C9orf85: variants seen among roughly 807,000 people sequenced by gnomAD.
C9orf85 encodes chromosome 9 open reading frame 85.
In C9orf85, 16 loss-of-function variants were observed where a neutral mutation model predicts 14.9. The observed-to-expected ratio is 1.08, with a 90% CI of 0.73 to 1.63. C9orf85 has a LOEUF of 1.63. Among genes scored for constraint, C9orf85 ranks in the 40% most tolerant of loss-of-function variants. The pLI, the probability that C9orf85 is intolerant of heterozygous loss-of-function variation, is 0.00. For missense variants in C9orf85, 172 were observed against 186.1 expected, an observed-to-expected ratio of 0.92 and a Z score of 0.44; for synonymous variants, 45 against 56.8, an observed-to-expected ratio of 0.79 and a Z score of 0.93.
At chr9:71,921,770 G>T (rs1377728079) in intron 1 of C9orf85, among the ~76,000 whole-genome samples, 2 of 151,844 alleles carry the variant, frequency 1.3e-5, no homozygotes, top group African/African-American at 4.8e-5. Flanking sequence ...TTTTTTACTG[G>T]TCTGATGTGT....
intron 1 of C9orf85, among the ~76,000 whole-genome samples, chr9:71,936,064 A>C (rs1186784897): frequency 6.6e-6 from 1 of 152,026 alleles, no homozygotes; most frequent in Admixed American, 6.6e-5. Flanking sequence ...AAGTGACCTA[A>C]GTTTTTTTAT....
At chr9:71,963,444 T>C (rs1216650635) in intron 2 of C9orf85, among the ~76,000 whole-genome samples, 1 of 152,084 alleles carries the variant, frequency 6.6e-6, no homozygotes, top group Non-Finnish European at 1.5e-5. Context: ...TGGCGGCACT[T>C]GAGGAGCCCT....
intron 2 of C9orf85, among the ~76,000 whole-genome samples, chr9:71,971,050 G>T (rs897679034): frequency 1.3e-5 from 2 of 151,876 alleles, no homozygotes; most frequent in African/African-American, 4.8e-5. Context: ...CACTACTCCC[G>T]GCCTACAATA....
intron 2 of C9orf85, among the ~76,000 whole-genome samples, chr9:71,958,979 C>G (rs1038897619): frequency 7.9e-5 from 12 of 152,244 alleles, no homozygotes; most frequent in African/African-American, 2.6e-4. Flanking sequence ...GCCTTTTCTC[C>G]TATTAGTCAA....
At chr9:71,970,673 T>C (rs1822835382) in intron 2 of C9orf85, among the ~76,000 whole-genome samples, 1 of 152,156 alleles carries the variant, frequency 6.6e-6, no homozygotes. Flanking sequence ...AAGATTGTTT[T>C]GGCTATCCTG....
chr9:71,958,382 C>A (rs1822432443), intron 2 of C9orf85, among the ~76,000 whole-genome samples: 1 of 151,386 alleles, frequency 6.6e-6, no homozygotes, highest in Non-Finnish European at 1.5e-5. Context: ...CCAGCCTCAG[C>A]CTCCTGAGTA....
rs1448941892 is a variant in C9orf85, at chr9:71,938,525, A to G, written c.103-8481A>G. ...AAAATCATTTTGTAATGATTTCTGTATTGATACAGTGGCAAATAAAACAAG... is the reference window on the plus strand; with the variant it reads ...AAAATCATTTTGTAATGATTTCTGTGTTGATACAGTGGCAAATAAAACAAG... On this transcript the variant is annotated intron_variant, in intron 1 of 3. Coordinates refer to ENST00000334731, the MANE Select transcript of C9orf85 (RefSeq NM_182505.5). 2.6e-5 allele frequency among the ~76,000 whole-genome samples: 4 copies of G among 152,024 alleles called. No individual in the cohort carries two copies. The South Asian group carries it at 8.3e-4, about 31-fold the overall frequency.
At chr9:71,971,700 G>A (rs868668974) in intron 3 of C9orf85, 82 bp downstream of exon 3, 13 of 968,192 alleles carry the variant, frequency 1.3e-5, no homozygotes, top group South Asian at 1.0e-4. Flanking sequence ...CTTGCTAGGC[G>A]CAGTGGCTCA....
At chr9:71,916,964 C>T (rs1479776889) in intron 1 of C9orf85, among the ~76,000 whole-genome samples, 1 of 151,912 alleles carries the variant, frequency 6.6e-6, no homozygotes, top group African/African-American at 2.4e-5. Context: ...TCAAAGTAAC[C>T]CTAAGATAGA....
At chr9:71,971,975 C>CAAAAA (rs1280978130) in intron 3 of C9orf85, among the ~76,000 whole-genome samples, 3 of 53,242 alleles carry the variant, frequency 5.6e-5, no homozygotes, top group Admixed American at 2.0e-4. Context: ...GACTCCATCT[C>CAAAAA]AAAAAAAAAA....
In C9orf85 at chr9:71,947,760, C is replaced by T. The variant is rs531241554; in HGVS notation, c.209+648C>T. ...CCAGGTTTAAGCGATTCTCCTGCCT[C>T]GGCCTCCCAAGTAACTGGCATTACA... On this transcript the variant is annotated intron_variant, in intron 2 of 3. Transcript: ENST00000334731. Among the ~76,000 whole-genome samples the T allele has an allele frequency of 5.7e-4, 87 of 152,222 alleles. 1 individual carries two copies. The highest frequency in any genetic ancestry group is 2.0e-3 in the African/African-American group (84 of 41,528).
At chr9:71,930,803 CAAAAAAAAA>C (rs747596247) in intron 1 of C9orf85, among the ~76,000 whole-genome samples, 1 of 61,038 alleles carries the variant, frequency 1.6e-5, no homozygotes, top group Admixed American at 1.8e-4. Context: ...GACCCTGTCT[CAAAAAAAAA>C]AAAAAAAAAA....
intron 1 of C9orf85, among the ~76,000 whole-genome samples, chr9:71,933,149 T>TA (rs1321244381): frequency 1.3e-5 from 2 of 152,116 alleles, no homozygotes; most frequent in African/African-American, 4.8e-5. Flanking sequence ...TGGACCAACT[T>TA]ACATATTTTG....
chr9:71,912,406 A>G (rs1046199674), intron 1 of C9orf85, among the ~76,000 whole-genome samples: 2 of 152,132 alleles, frequency 1.3e-5, no homozygotes, highest in East Asian at 1.9e-4. Context: ...CCTGCTAAAA[A>G]ATTCAGACTG....
At position 71,954,114 on chromosome 9, in the gene C9orf85, G is replaced by GAAA. The variant is rs566793068; in HGVS notation, c.209+7016_209+7018dup. On this transcript the variant is annotated intron_variant, in intron 2 of 3. Transcript: ENST00000334731. The stretch of plus-strand genomic sequence containing the variant: ...GGTGACAGAGCAAGACCCCAGCTTG[G>GAAA]AAAAAAAAAAAAAAAAGCGTATTTT... Among the ~76,000 whole-genome samples, 27 of 130,084 alleles carry GAAA rather than the reference G, an allele frequency of 2.1e-4. 1 individual carries two copies. The highest frequency in any genetic ancestry group is 6.5e-4 in the African/African-American group (22 of 33,984). The allele number at this position is 130,084 out of a possible 152,430, so 85.3% of individuals were successfully genotyped here.
chr9:71,936,100 G>A (rs951333483), intron 1 of C9orf85, among the ~76,000 whole-genome samples: 3 of 152,010 alleles, frequency 2.0e-5, no homozygotes, highest in Non-Finnish European at 2.9e-5. Context: ...GATGAGGTTT[G>A]GGACACAGGA....
At chr9:71,985,221 C>T (rs1046470471), downstream of C9orf85, 1 of 152,196 alleles carries the variant, frequency 6.6e-6, no homozygotes, top group African/African-American at 2.4e-5. Context: ...CTTCAAATGG[C>T]ATAACATTCA....
chr9:71,959,433 G>A (rs535385947), intron 2 of C9orf85, among the ~76,000 whole-genome samples: 3 of 152,218 alleles, frequency 2.0e-5, no homozygotes, highest in East Asian at 1.9e-4. Context: ...CACTGTGTCC[G>A]GCCAAAGTTA....
intron 2 of C9orf85, among the ~76,000 whole-genome samples, chr9:71,968,926 C>T (rs866027405): frequency 9.9e-5 from 15 of 151,720 alleles, no homozygotes; most frequent in Middle Eastern, 3.4e-3. Flanking sequence ...TGAGCAGTTT[C>T]GGCAGGAAAG....
Sources: gnomAD v4.1 joint callset for allele counts (sites outside exome capture counted in the v4.1 genomes callset) on GRCh38, gnomAD v4.1.1 for gene constraint, MANE v1.5 for transcripts, NCBI Gene and HGNC (gene_info 2026-07-23, HGNC 2026-07-21) for gene names.